Variants in CDH3 observed in about 807,000 individuals in gnomAD.
CDH3 encodes the protein cadherin 3, also known as cadherin-3.
Under a neutral mutation model 82.0 loss-of-function variants are expected in CDH3, and 54 were observed. The observed-to-expected ratio is 0.66, with a 90% CI of 0.53 to 0.83. The LOEUF (loss-of-function observed/expected upper bound fraction) is 0.83, where lower values mean the gene tolerates loss of function less well. Ranked by LOEUF, CDH3 falls within the 40% of genes least tolerant of loss-of-function variation. The pLI is 0.00. For synonymous variants in CDH3, 446 were observed against 437.9 expected, an observed-to-expected ratio of 1.02 and a Z score of -0.23; for missense variants, 1,054 against 1,084.6, an observed-to-expected ratio of 0.97 and a Z score of 0.40.
intron 4 of CDH3, 85 bp downstream of exon 4, chr16:68,678,362 T>A: frequency 6.3e-7 from 1 of 1,591,170 alleles, no homozygotes; most frequent in Non-Finnish European, 8.6e-7. Flanking sequence ...TGCTACTGAA[T>A]GTGGGGGCTG....
intron 2 of CDH3, among the ~76,000 whole-genome samples, chr16:68,669,901 T>C (rs1192246800): frequency 6.6e-6 from 1 of 152,022 alleles, no homozygotes; most frequent in Non-Finnish European, 1.5e-5. Context: ...GGAGGGTCAC[T>C]TGTGCCCAGG....
chr16:68,719,625 T>C (rs1962139836), intron 1 of CDH3, among the ~76,000 whole-genome samples: 1 of 146,778 alleles, frequency 6.8e-6, no homozygotes, highest in Non-Finnish European at 1.5e-5. Context: ...TTCTCCTGCC[T>C]CAGCCTCCCA....
chr16:68,685,288 G>T lies in CDH3; in HGVS notation c.1508G>T (p.Arg503Leu). Residue 503 changes from arginine (R) to leucine (L), a missense_variant, in exon 11 of 16, where the codon CGT (arginine) becomes CTT (leucine). By Grantham distance (102) the Arg-to-Leu change is moderately radical. Coordinates refer to ENST00000264012, the MANE Select transcript of CDH3 (RefSeq NM_001793.6). Reference sequence around the variant, plus strand: ...GTCACAGCTGTGGGCACCCTCGACCGTGAGGATGAGCAGTTTGTGAGGAAC... The same window carrying T: ...GTCACAGCTGTGGGCACCCTCGACCTTGAGGATGAGCAGTTTGTGAGGAAC... ...GQVTAVGTLD[R>L]EDEQFVRNNI... is the part of the protein sequence containing the mutation. 6.2e-7 allele frequency: 1 copy of T among 1,614,106 alleles called. No homozygotes were observed. The highest frequency in any genetic ancestry group is 8.5e-7 in the Non-Finnish European group (1 of 1,179,992).
chr16:68,690,055 A>G (rs1206734676), intron 12 of CDH3, among the ~76,000 whole-genome samples: 1 of 152,158 alleles, frequency 6.6e-6, no homozygotes, highest in Non-Finnish European at 1.5e-5. Flanking sequence ...ACCCACACAC[A>G]TAGCCCCTTC....
intron 11 of CDH3, among the ~76,000 whole-genome samples, chr16:68,685,847 T>A (rs185686605): frequency 1.3e-5 from 2 of 152,220 alleles, no homozygotes; most frequent in East Asian, 1.9e-4. Context: ...GGACTGGCCA[T>A]GATTCCAATT....
At position 68,707,002 on chromosome 16, in the gene CDH3, A is replaced by G. The variant is rs559143509; in HGVS notation, c.99+11079A>G. Among the ~76,000 whole-genome samples, 1 of 152,274 alleles carries G rather than the reference A, an allele frequency of 6.6e-6. No individual in the cohort carries two copies. Among genetic ancestry groups the G allele is most frequent in the Non-Finnish European group, 1.5e-5 (1 of 68,016 alleles). On this transcript the variant is annotated intron_variant, in intron 1 of 2. Transcript: ENST00000569080. The surrounding 1 kb of genome is among the most constrained non-coding windows in gnomAD (Gnocchi z 4.5). ...GTGGTCTAGTAAAAGTGAAGCATGG[A>G]GGAAAATGGAGCTGGGATGGGGCCT...
chr16:68,733,323 A>G, the CDH3 span, among the ~76,000 whole-genome samples: 1 of 152,088 alleles, frequency 6.6e-6, no homozygotes, highest in African/African-American at 2.4e-5. Context: ...GGGTTTCACC[A>G]TGTTGCCCAG....
At chr16:68,714,879 C>T (rs561062694) in intron 1 of CDH3, among the ~76,000 whole-genome samples, 2 of 152,014 alleles carry the variant, frequency 1.3e-5, no homozygotes, top group Non-Finnish European at 2.9e-5. Flanking sequence ...CATGGTGGCC[C>T]GTGTCTGTAG....
rs1434514845 is a variant in CDH3 at position 68,698,245 on chromosome 16, G to T, written c.2335G>T (p.Val779Leu). The part of the protein sequence containing the change: ...PTAPPYDTLL[V>L]FDYEGSGSDA... ...AGCCCCGCCCTACGACACCCTCTTG[G>T]TGTTCGACTATGAGGGCAGCGGCTC... is the stretch of plus-strand genomic sequence containing the variant. Residue 779 changes from valine to leucine, a missense_variant, in exon 16 of 16, where the codon GTG becomes TTG. Transcript: ENST00000264012. 1 of 1,614,252 alleles carries T rather than the reference G, an allele frequency of 6.2e-7. No homozygotes were observed. The highest frequency in any genetic ancestry group is 8.5e-7 in the Non-Finnish European group (1 of 1,180,052).
intron 2 of CDH3, among the ~76,000 whole-genome samples, chr16:68,672,108 C>T (rs1158481875): frequency 6.6e-6 from 1 of 151,070 alleles, no homozygotes; most frequent in South Asian, 2.1e-4. Flanking sequence ...AGGAGAATGG[C>T]GTGAACCCCA....
intron 14 of CDH3, 48 bp downstream of exon 14, chr16:68,695,433 C>T: frequency 6.4e-7 from 1 of 1,567,670 alleles, no homozygotes; most frequent in South Asian, 1.2e-5. Flanking sequence ...CCCCTAAGGC[C>T]ACTGGCAGGG....
rs979937661 is a variant in CDH3 at position 68,681,407 on chromosome 16, C to T, written c.996+311C>T. On this transcript the variant is annotated intron_variant, in intron 8 of 15. Transcript: ENST00000264012. ...ATTTGAAAACATATTTTCCTTGTAC[C>T]TACACCTGCCCATCTTTTCCCAGTG... 3.3e-5 allele frequency among the ~76,000 whole-genome samples: 5 copies of T among 152,290 alleles called. No individual in the cohort carries two copies. The East Asian group carries it at 9.6e-4, about 29-fold the overall frequency.
downstream of CDH3, among the ~76,000 whole-genome samples, chr16:68,702,345 A>G (rs191337324): frequency 1.4e-4 from 22 of 152,304 alleles, no homozygotes; most frequent in East Asian, 4.2e-3. Flanking sequence ...AACAACTTGC[A>G]GCATCCACTT....
intron 2 of CDH3, among the ~76,000 whole-genome samples, chr16:68,650,899 C>A (rs1960223275): frequency 6.6e-6 from 1 of 150,914 alleles, no homozygotes; most frequent in Admixed American, 6.6e-5. Flanking sequence ...CATGACGCCA[C>A]TCACAGACCC....
At chr16:68,687,815 C>T (rs941934851) in intron 12 of CDH3, 79 bp downstream of exon 12, 10 of 964,094 alleles carry the variant, frequency 1.0e-5, no homozygotes, top group Admixed American at 5.7e-5. Flanking sequence ...ATTCTGCACA[C>T]GTTCCTATCC....
chr16:68,717,229 T>C (rs1962105917), intron 1 of CDH3, among the ~76,000 whole-genome samples: 1 of 152,158 alleles, frequency 6.6e-6, no homozygotes, highest in African/African-American at 2.4e-5. Context: ...GTGCTCAATA[T>C]TCATGATTAG....
At chr16:68,720,265 TA>T (rs771951284) in intron 1 of CDH3, among the ~76,000 whole-genome samples, 659 of 138,560 alleles carry the variant, frequency 4.8e-3, no homozygotes, top group Non-Finnish European at 4.3e-3. Context: ...GAGGGGAGGC[TA>T]AAAAAAAAAA....
At chr16:68,649,463 A>G (rs1960177105) in intron 2 of CDH3, among the ~76,000 whole-genome samples, 1 of 152,224 alleles carries the variant, frequency 6.6e-6, no homozygotes, top group Non-Finnish European at 1.5e-5. Flanking sequence ...GCATCTGCAT[A>G]GATCAGGCAC....
chr16:68,661,887 C>T lies in CDH3; in HGVS notation c.161-14498C>T, dbSNP rs562904677. On this transcript the variant is annotated intron_variant, in intron 2 of 15. Transcript: ENST00000264012. ...TGTGTTTTTAGTAGAGATGGGGTTT[C>T]GCCATGTTGGCCAGGCTGGTAGTGA... Among the ~76,000 whole-genome samples the T allele has an allele frequency of 5.9e-5, 9 of 152,312 alleles. 1 individual carries two copies. The highest frequency in any genetic ancestry group is 4.1e-4 in the South Asian group (2 of 4,824).
Sources: gnomAD v4.1 joint callset for allele counts (sites outside exome capture counted in the v4.1 genomes callset) on GRCh38, gnomAD v4.1.1 for gene constraint, Gnocchi (gnomAD v3.1) non-coding constraint, MANE v1.5 for transcripts, NCBI Gene and HGNC (gene_info 2026-07-23, HGNC 2026-07-21) for gene names.